Variants in ZDHHC13 observed in about 807,000 individuals in gnomAD.
ZDHHC13 encodes the protein zDHHC palmitoyltransferase 13.
In ZDHHC13, 85 loss-of-function variants were observed where a neutral mutation model predicts 86.0. The ratio of observed to expected loss-of-function variants is 0.99; its 90% CI spans 0.83 to 1.18. ZDHHC13 has a LOEUF of 1.18. Ranked by LOEUF, ZDHHC13 falls within the 50% of genes most tolerant of loss-of-function variation. The pLI, the probability that ZDHHC13 is intolerant of heterozygous loss-of-function variation, is 0.00. For synonymous variants in ZDHHC13, 263 were observed against 246.4 expected, an observed-to-expected ratio of 1.07 and a Z score of -0.63; for missense variants, 711 against 730.2, an observed-to-expected ratio of 0.97 and a Z score of 0.30.
chr11:19,165,128 G>A lies in ZDHHC13; in HGVS notation c.1373G>A (p.Trp458Ter). Residue 458 changes from tryptophan to a stop codon, truncating the protein, a stop_gained, in exon 13 of 17, where the codon TGG becomes TAG. Coordinates refer to ENST00000446113, the MANE Select transcript of ZDHHC13 (RefSeq NM_019028.3). LOFTEE classifies it high-confidence loss of function. The part of the protein sequence containing the change: ...CVARYDQHCL[W>*]TGRCIGFGNH... ...GCTCGATATGATCAACACTGCCTGT[G>A]GACTGGACGGTGCATAGGTGAGAGA... 1.2e-6 allele frequency: 2 copies of A among 1,612,466 alleles called. No homozygotes were observed. The highest frequency in any genetic ancestry group is 1.7e-6 in the Non-Finnish European group (2 of 1,179,254).
intron 2 of ZDHHC13, 48 bp downstream of exon 2, chr11:19,143,171 A>AT (rs1565028243): frequency 6.4e-7 from 1 of 1,563,216 alleles, no homozygotes; most frequent in Non-Finnish European, 8.7e-7. Flanking sequence ...TCTAGAATTA[A>AT]TAGTAATATA....
At chr11:19,160,187 C>T (rs1015442833) in intron 10 of ZDHHC13, among the ~76,000 whole-genome samples, 1 of 151,872 alleles carries the variant, frequency 6.6e-6, no homozygotes. Context: ...CCTTTATGCT[C>T]CTTTTTATTT....
At chr11:19,146,111 A>G in intron 2 of ZDHHC13, 70 bp from the exon 3 acceptor site, 3 of 1,454,628 alleles carry the variant, frequency 2.1e-6, no homozygotes, top group Non-Finnish European at 2.8e-6. Context: ...AGATATAGTA[A>G]AGTGAAGAAA....
At chr11:19,135,580 G>A (rs1849115263) in intron 1 of ZDHHC13, among the ~76,000 whole-genome samples, 1 of 152,236 alleles carries the variant, frequency 6.6e-6, no homozygotes, top group Non-Finnish European at 1.5e-5. Context: ...CACAGCTCAA[G>A]GAGGCCTGCC....
At chr11:19,163,657 G>A (rs1849974685) in intron 11 of ZDHHC13, among the ~76,000 whole-genome samples, 3 of 152,052 alleles carry the variant, frequency 2.0e-5, no homozygotes, top group South Asian at 4.2e-4. Flanking sequence ...TTTTTCAGAT[G>A]TGATTCCTTT....
chr11:19,147,779 C>G (rs565783650), intron 4 of ZDHHC13, 106 bp downstream of exon 4: 3 of 762,606 alleles, frequency 3.9e-6, no homozygotes, highest in South Asian at 3.1e-5. Flanking sequence ...TCTTCCCCCC[C>G]CCCCTTTATT....
intron 15 of ZDHHC13, among the ~76,000 whole-genome samples, chr11:19,170,978 A>G (rs567621588): frequency 1.3e-5 from 2 of 152,218 alleles, no homozygotes; most frequent in Non-Finnish European, 2.9e-5. Flanking sequence ...GTACAGTTAA[A>G]TTATATGTTG....
chr11:19,150,871 G>T, intron 6 of ZDHHC13, 80 bp downstream of exon 6: 1 of 1,283,444 alleles, frequency 7.8e-7, no homozygotes, highest in East Asian at 2.3e-5. Context: ...AAGTATCTGT[G>T]TCTATGTGAG....
chr11:19,139,317 G>T (rs1407142886), intron 1 of ZDHHC13, among the ~76,000 whole-genome samples: 1 of 152,060 alleles, frequency 6.6e-6, no homozygotes, highest in Non-Finnish European at 1.5e-5. Flanking sequence ...ATTCACAATT[G>T]CTTCAAAGAG....
chr11:19,163,495 A>C, intron 11 of ZDHHC13, 68 bp downstream of exon 11: 1 of 1,439,524 alleles, frequency 6.9e-7, no homozygotes, highest in Non-Finnish European at 9.1e-7. Flanking sequence ...TTATATGCAC[A>C]TATGCAGATG....
At chr11:19,171,231 T>A (rs1326451310) in intron 15 of ZDHHC13, among the ~76,000 whole-genome samples, 1 of 152,180 alleles carries the variant, frequency 6.6e-6, no homozygotes, top group Non-Finnish European at 1.5e-5. Flanking sequence ...TCCAAAGCTT[T>A]AGTCCCTTCC....
chr11:19,147,948 G>A (rs892158359), intron 4 of ZDHHC13, among the ~76,000 whole-genome samples: 4 of 152,068 alleles, frequency 2.6e-5, no homozygotes, highest in Non-Finnish European at 5.9e-5. Context: ...AATAAAAATA[G>A]TAGTTCAGTG....
Position 19,166,361 on chromosome 11 carries a change from T to C in ZDHHC13, c.1450T>C (p.Trp484Arg). 6.2e-7 allele frequency: 1 copy of C among 1,612,652 alleles called. No homozygotes were observed. Among genetic ancestry groups the C allele is most frequent in the Non-Finnish European group, 8.5e-7 (1 of 1,179,460 alleles). Residue 484 changes from tryptophan (W) to arginine (R), a missense_variant, in exon 14 of 17, where the codon TGG becomes CGG. Transcript: ENST00000446113. ...GTTTTTCCTTTCCATGGTATGTGGC[T>C]GGATTATATATGGATCTTTCATCTG... ...FLFFLSMVCG[W>R]IIYGSFIYLS...
Position 19,143,119 on chromosome 11 carries a change from A to C in ZDHHC13, c.169A>C (p.Thr57Pro), listed in dbSNP as rs777823589. 3.7e-6 allele frequency: 6 copies of C among 1,611,066 alleles called. No individual in the cohort carries two copies. The highest frequency in any genetic ancestry group is 5.1e-6 in the Non-Finnish European group (6 of 1,178,248). ...TAGTAACTGTGACATTGTCAAAGCT[A>C]CTCAGTAAGTCTTCCAAATGCTTTG... Reference protein sequence around the residue: ...DSSNCDIVKATQYGIFERCKE... With the variant: ...DSSNCDIVKAPQYGIFERCKE... Residue 57 changes from threonine to proline, a missense_variant, in exon 2 of 17, where the codon ACT becomes CCT. Transcript: ENST00000446113.
chr11:19,132,938 T>G (rs1849034656), intron 1 of ZDHHC13, among the ~76,000 whole-genome samples: 1 of 152,202 alleles, frequency 6.6e-6, no homozygotes, highest in South Asian at 2.1e-4. Flanking sequence ...TAGAAGGCTC[T>G]ACTTCATTTT....
chr11:19,125,690 C>A lies in ZDHHC13; in HGVS notation c.27+8414C>A, dbSNP rs556721000. On this transcript the variant is annotated intron_variant, in intron 1 of 16. Transcript: ENST00000446113. ...GATTGCCAAAAGCTGGAAAACAACCCACGCAGACTGTTTGGATAGATTATC... is the reference window on the plus strand; with the variant it reads ...GATTGCCAAAAGCTGGAAAACAACCAACGCAGACTGTTTGGATAGATTATC... Among the ~76,000 whole-genome samples the A allele has an allele frequency of 4.0e-4, 61 of 152,270 alleles. No individual in the cohort carries two copies. In the South Asian group the frequency reaches 6.2e-3, roughly 16 times the overall value.
Position 19,117,374 on chromosome 11 carries a change from G to A in ZDHHC13, c.27+98G>A. 6 of 1,266,958 alleles carry A rather than the reference G, an allele frequency of 4.7e-6. No homozygotes were observed. The South Asian group carries it at 8.2e-5, about 17-fold the overall frequency. The allele number at this position is 1,266,958 out of a possible 1,614,324, so 78.5% of individuals were successfully genotyped here. On this transcript the variant is annotated intron_variant, in intron 1 of 16. Transcript: ENST00000446113. The surrounding 1 kb of genome is among the most constrained non-coding windows in gnomAD (Gnocchi z 4.2). ...GGGTGAGAGGCCGCTCGATGAGGGG[G>A]TTTCGGGAGCGGCGGGGCCTAGGTC... is the stretch of plus-strand genomic sequence containing the variant.
intron 15 of ZDHHC13, among the ~76,000 whole-genome samples, chr11:19,171,625 A>G (rs1255645755): frequency 6.6e-6 from 1 of 152,216 alleles, no homozygotes; most frequent in African/African-American, 2.4e-5. Context: ...ATCTGTGATT[A>G]TTAGTATTAT....
chr11:19,158,539 T>C (rs1849820027), intron 9 of ZDHHC13, among the ~76,000 whole-genome samples: 1 of 152,172 alleles, frequency 6.6e-6, no homozygotes, highest in Admixed American at 6.5e-5. Flanking sequence ...TTGCTAAATG[T>C]AAAGGTGAAT....
Sources: gnomAD v4.1 joint callset for allele counts (sites outside exome capture counted in the v4.1 genomes callset) on GRCh38, gnomAD v4.1.1 for gene constraint, Gnocchi (gnomAD v3.1) non-coding constraint, MANE v1.5 for transcripts, NCBI Gene and HGNC (gene_info 2026-07-23, HGNC 2026-07-21) for gene names.